The following USP2 variants were observed in gnomAD, a reference collection of about 807,000 sequenced individuals.
The protein encoded by USP2 is ubiquitin specific peptidase 2.
In USP2, 33 loss-of-function variants were observed where a neutral mutation model predicts 72.0. The ratio of observed to expected loss-of-function variants is 0.46; its 90% CI spans 0.35 to 0.61. The LOEUF (loss-of-function observed/expected upper bound fraction) is 0.61, where lower values mean the gene tolerates loss of function less well. USP2 is among the 20% of genes least tolerant of loss of function. The pLI is 0.01. For missense variants in USP2, 691 were observed against 797.8 expected, an observed-to-expected ratio of 0.87 and a Z score of 1.61; for synonymous variants, 296 against 312.5, an observed-to-expected ratio of 0.95 and a Z score of 0.56.
At chr11:119,379,380 G>GC in intron 1 of USP2, 1 of 378,128 alleles carries the variant, frequency 2.6e-6, no homozygotes, top group Non-Finnish European at 3.6e-6. Flanking sequence ...GGTGGGGGTG[G>GC]AACTTGAGAC....
intron 2 of USP2, chr11:119,364,333 A>C: frequency 3.1e-6 from 1 of 319,206 alleles, no homozygotes; most frequent in South Asian, 1.2e-4. Context: ...ACGAGGCGAC[A>C]AGGTCGGTCC....
intron 2 of USP2, among the ~76,000 whole-genome samples, chr11:119,367,430 G>A (rs1950869681): frequency 6.6e-6 from 1 of 152,210 alleles, no homozygotes; most frequent in African/African-American, 2.4e-5. Context: ...CACTGCTGGG[G>A]CTAAGGCAGA....
chr11:119,363,787 G>A, intron 2 of USP2: 1 of 1,292,466 alleles, frequency 7.7e-7, no homozygotes, highest in Non-Finnish European at 1.0e-6. Context: ...GCGGGCAGAG[G>A]CCAGGGAGAA....
chr11:119,367,615 C>T (rs747246818), intron 2 of USP2, among the ~76,000 whole-genome samples: 13 of 152,194 alleles, frequency 8.5e-5, no homozygotes, highest in Non-Finnish European at 1.8e-4. Flanking sequence ...TCCCCACTCT[C>T]TGTAGGAAGG....
At chr11:119,374,193 G>A (rs1056848314) in intron 1 of USP2, among the ~76,000 whole-genome samples, 1 of 152,232 alleles carries the variant, frequency 6.6e-6, no homozygotes, top group Non-Finnish European at 1.5e-5. Flanking sequence ...GTCCCACAGT[G>A]AGGGACACTC....
Position 119,356,259 on chromosome 11 carries a change from A to C in USP2, c.*576T>G, listed in dbSNP as rs1950649256. The C allele has an allele frequency of 6.5e-6, 1 of 152,734 alleles. No homozygotes were observed. Among genetic ancestry groups the C allele is most frequent in the Admixed American group, 6.5e-5 (1 of 15,294 alleles). 9.5% of individuals were successfully genotyped at this position (152,734 alleles called of 1,614,324 possible). ...GAGAGCACTCCAGTCTGAACACTTT[A>C]GTTATGGAAATTAAAAAAAAAAAGT... On this transcript the variant is annotated 3_prime_UTR_variant, in exon 13 of 13. Transcript: ENST00000260187.
At chr11:119,359,505 T>A (rs1363997754) in intron 4 of USP2, 32 bp downstream of exon 4, 1 of 1,611,600 alleles carries the variant, frequency 6.2e-7, no homozygotes, top group African/African-American at 1.3e-5. Context: ...CATCCGGGGG[T>A]AGGCAGGGGC....
At chr11:119,368,570 A>C (rs758979166) in intron 2 of USP2, among the ~76,000 whole-genome samples, 10 of 152,224 alleles carry the variant, frequency 6.6e-5, no homozygotes, top group Non-Finnish European at 1.2e-4. Context: ...GCTGGAACCC[A>C]AGGCTTCGGA....
Position 119,359,063 on chromosome 11 carries a change from A to G in USP2, c.1133T>C (p.Leu378Pro). 2 of 1,614,116 alleles carry G rather than the reference A, an allele frequency of 1.2e-6. No individual in the cohort carries two copies. Among genetic ancestry groups the G allele is most frequent in the Non-Finnish European group, 8.5e-7 (1 of 1,180,042 alleles). Reference protein sequence around the residue: ...GLHNEVNRVTLRPKSNPENLD... With the variant: ...GLHNEVNRVTPRPKSNPENLD... ...GTTCTCAGGGTTGGACTTAGGTCTC[A>G]GTGTCACTCGGTTCACCTCGTTATG... The change falls in exon 6 of 13, where the codon CTG becomes CCG. Residue 378 changes from leucine to proline, a missense_variant. Leu to Pro is a moderately conservative substitution (Grantham distance 98). Transcript: ENST00000260187.
chr11:119,374,544 C>G (rs1950975740), intron 1 of USP2, among the ~76,000 whole-genome samples: 2 of 152,168 alleles, frequency 1.3e-5, no homozygotes, highest in South Asian at 2.1e-4. Context: ...ACCAGCAGAG[C>G]CAGGACTGGA....
chr11:119,376,211 C>G, intron 1 of USP2: 1 of 985,634 alleles, frequency 1.0e-6, no homozygotes, highest in Non-Finnish European at 1.2e-6. Flanking sequence ...GGGTTGGTGC[C>G]CCTTGGCATT....
chr11:119,369,374 A>AGGGAAAGAAGTC (rs1950898363), intron 2 of USP2, among the ~76,000 whole-genome samples: 1 of 151,988 alleles, frequency 6.6e-6, no homozygotes, highest in African/African-American at 2.4e-5. Flanking sequence ...ACTGTTAATG[A>AGGGAAAGAAGTC]GGGAAAGAAG....
chr11:119,364,290 T>G, intron 2 of USP2: 1 of 652,684 alleles, frequency 1.5e-6, no homozygotes, highest in Non-Finnish European at 1.9e-6. Flanking sequence ...ACCTCGCCTC[T>G]ACCCCGCCCC....
chr11:119,358,358 C>T lies in USP2; in HGVS notation c.1238-106G>A, dbSNP rs374015674. 8.3e-6 allele frequency: 9 copies of T among 1,087,424 alleles called. No homozygotes were observed. The South Asian group carries it at 8.4e-5, about 10-fold the overall frequency. 67.4% of individuals were successfully genotyped at this position (1,087,424 alleles called of 1,614,324 possible). On this transcript the variant is annotated intron_variant, in intron 7 of 12. Transcript: ENST00000260187. ...TTGAGATGGAGTTTTGCTCTGTCCC[C>T]CAGGCTGAAGTGCAGTGGTGCAATC...
chr11:119,357,805 A>T lies in USP2; in HGVS notation c.1453T>A (p.Cys485Ser), dbSNP rs1247262127. ...CTCTGGATGGAGAACTTCTTTATACACCGTTTTCTGCCTCGGCAGCGACAG... is the reference window on the plus strand; with the variant it reads ...CTCTGGATGGAGAACTTCTTTATACTCCGTTTTCTGCCTCGGCAGCGACAG... ...TCCRCRGRKR[C>S]IKKFSIQRFP... Residue 485 changes from cysteine to serine, a missense_variant, in exon 10 of 13, where the codon TGT becomes AGT. Physicochemically the swap from Cys to Ser is moderately radical, Grantham distance 112. Coordinates refer to ENST00000260187, the MANE Select transcript of USP2 (RefSeq NM_004205.5). 6.2e-7 allele frequency: 1 copy of T among 1,613,782 alleles called. No homozygotes were observed. The highest frequency in any genetic ancestry group is 2.2e-5 in the East Asian group (1 of 44,888).
At position 119,381,480 on chromosome 11, in the gene USP2, T is replaced by C. The variant is rs1252920199; in HGVS notation, c.-49A>G. On this transcript the variant is annotated 5_prime_UTR_variant, in exon 1 of 13. Coordinates refer to ENST00000260187, the MANE Select transcript of USP2 (RefSeq NM_004205.5). ...CCGACAGGTGGCACGTACCTGCCTC[T>C]TCTTGGAGTATGGACGAGTCGAACC... 6.5e-7 allele frequency: 1 copy of C among 1,536,132 alleles called. No individual in the cohort carries two copies. Among genetic ancestry groups the C allele is most frequent in the Non-Finnish European group, 8.7e-7 (1 of 1,146,882 alleles).
rs1831411142 is a variant in USP2, at chr11:119,355,400, G to A, written c.*1435C>T. ...CTTTCTCTGATGCCTCCTCCTAGGA[G>A]CCTGGAATGTGCCAGGCTCCACGGG... On this transcript the variant is annotated 3_prime_UTR_variant, in exon 13 of 13. Transcript: ENST00000260187. 6.6e-6 allele frequency: 1 copy of A among 152,286 alleles called. No homozygotes were observed. The highest frequency in any genetic ancestry group is 1.5e-5 in the Non-Finnish European group (1 of 68,070). The allele number at this position is 152,286 out of a possible 1,614,324, so 9.4% of individuals were successfully genotyped here.
At chr11:119,369,700 G>A (rs965400457) in intron 2 of USP2, among the ~76,000 whole-genome samples, 7 of 152,136 alleles carry the variant, frequency 4.6e-5, no homozygotes, top group African/African-American at 1.7e-4. Context: ...GGCAGGGCGG[G>A]CGTGATTGTT....
intron 2 of USP2, chr11:119,364,270 G>A (rs897442823): frequency 3.3e-5 from 28 of 857,162 alleles, no homozygotes; most frequent in Admixed American, 5.8e-5. Context: ...CAGGCCCTAA[G>A]CCCCGCCCCA....
Sources: allele counts gnomAD v4.1 joint callset (sites outside exome capture counted in the v4.1 genomes callset), GRCh38; gene constraint gnomAD v4.1.1; transcripts MANE v1.5; gene names NCBI Gene and HGNC (gene_info 2026-07-23, HGNC 2026-07-21).